Variants in NHSL1 observed in about 807,000 individuals in gnomAD.
NHSL1 encodes the protein NHS like 1.
In NHSL1, 48 loss-of-function variants were observed where a neutral mutation model predicts 95.0. That is an observed-to-expected ratio of 0.51 (90% CI 0.40 to 0.64). The LOEUF (loss-of-function observed/expected upper bound fraction) is 0.64. Among genes scored for constraint, NHSL1 ranks in the 30% least tolerant of loss-of-function variants. The pLI is 0.00. For missense variants in NHSL1, 1,971 were observed against 2,077.7 expected (o/e 0.95, Z 1.00); for synonymous variants, 783 against 833.9 (o/e 0.94, Z 1.05).
intron 1 of NHSL1, among the ~76,000 whole-genome samples, chr6:138,497,015 T>C (rs1780392652): frequency 6.6e-6 from 1 of 152,228 alleles, no homozygotes; most frequent in African/African-American, 2.4e-5. Context: ...ATTTTTAAAA[T>C]TACAATGCAA....
intron 1 of NHSL1, among the ~76,000 whole-genome samples, chr6:138,657,756 A>G (rs1322590022): frequency 7.0e-6 from 1 of 143,194 alleles, no homozygotes; most frequent in Non-Finnish European, 1.5e-5. Context: ...CAGAGCTTGC[A>G]GTGAGCCGAG....
At chr6:138,613,422 A>G (rs192339154) in intron 1 of NHSL1, among the ~76,000 whole-genome samples, 122 of 152,326 alleles carry the variant, frequency 8.0e-4, no homozygotes, top group African/African-American at 2.7e-3. Flanking sequence ...GTGTGAGCCA[A>G]GTTTTCCCCT....
At position 138,433,302 on chromosome 6, in the gene NHSL1, C is replaced by T; in HGVS notation, c.1043G>A (p.Gly348Glu). 6.4e-7 allele frequency: 1 copy of T among 1,551,686 alleles called. No individual in the cohort carries two copies. Among genetic ancestry groups the T allele is most frequent in the Non-Finnish European group, 8.7e-7 (1 of 1,146,950 alleles). Residue 348 changes from glycine to glutamate, a missense_variant, in exon 6 of 8, where the codon GGA becomes GAA. This residue lies in a region of NHSL1 where 1,602 missense variants were observed against 1,654.5 expected (regional missense o/e 0.97). Transcript: ENST00000343505. Reference sequence around the variant, plus strand: ...GTAGAGGAAAGTGCCATTCATGTCTCCTGCAGGGCCGAGGGCACCCAGCCT... The same window carrying T: ...GTAGAGGAAAGTGCCATTCATGTCTTCTGCAGGGCCGAGGGCACCCAGCCT... Reference protein sequence around the residue: ...EPRLGALGPAGDMNGTFLYQR... With the variant: ...EPRLGALGPAEDMNGTFLYQR...
chr6:138,600,547 C>T (rs547556864), intron 1 of NHSL1, among the ~76,000 whole-genome samples: 12 of 152,136 alleles, frequency 7.9e-5, no homozygotes, highest in East Asian at 3.8e-4. Flanking sequence ...TACTTTGTAA[C>T]CAAAAGAGAA....
chr6:138,661,344 A>T (rs1198213370), intron 1 of NHSL1, among the ~76,000 whole-genome samples: 2 of 152,118 alleles, frequency 1.3e-5, no homozygotes, highest in Admixed American at 1.3e-4. Context: ...ACTTTTAAAA[A>T]ATTAGCCAGG....
Position 138,685,483 on chromosome 6 carries a change from A to T in NHSL1, c.96+6993T>A, listed in dbSNP as rs147634732. ...CAAATTAGAAACAAGTACCTGCCTG[A>T]TCTGCTTGGCAAGTGACTAATCCCT... On this transcript the variant is annotated intron_variant, in intron 1 of 3. Transcript: ENST00000491526. Among the ~76,000 whole-genome samples the T allele has an allele frequency of 2.8e-3, 432 of 152,170 alleles. 1 individual carries two copies. The highest frequency in any genetic ancestry group is 6.8e-3 in the Middle Eastern group (2 of 294).
chr6:138,448,312 C>T (rs1040989366), intron 3 of NHSL1, among the ~76,000 whole-genome samples: 5 of 152,118 alleles, frequency 3.3e-5, no homozygotes, highest in African/African-American at 4.8e-5. Flanking sequence ...AAAGGGTAAT[C>T]GACTTTCGTG....
At chr6:138,434,587 A>G (rs914970356) in intron 5 of NHSL1, among the ~76,000 whole-genome samples, 1 of 149,988 alleles carries the variant, frequency 6.7e-6, no homozygotes, top group African/African-American at 2.5e-5. Flanking sequence ...GTGTACTGAG[A>G]AAAAAAAAAG....
At chr6:138,674,566 A>G (rs1037551370) in intron 1 of NHSL1, among the ~76,000 whole-genome samples, 9 of 152,146 alleles carry the variant, frequency 5.9e-5, no homozygotes, top group Admixed American at 4.6e-4. Flanking sequence ...GAGAACATAC[A>G]GCGTTTGGTT....
chr6:138,446,792 G>T, intron 4 of NHSL1: 1 of 556,638 alleles, frequency 1.8e-6, no homozygotes, highest in Non-Finnish European at 3.2e-6. Context: ...CCAGTGTTTG[G>T]CGACATAGTC....
At chr6:138,667,979 T>C (rs1311237257) in intron 1 of NHSL1, among the ~76,000 whole-genome samples, 1 of 152,210 alleles carries the variant, frequency 6.6e-6, no homozygotes. Context: ...TTTAACTTCC[T>C]TTGAAATCAA....
At chr6:138,447,639 G>A (rs936347327) in intron 3 of NHSL1, among the ~76,000 whole-genome samples, 1 of 152,142 alleles carries the variant, frequency 6.6e-6, no homozygotes, top group Non-Finnish European at 1.5e-5. Flanking sequence ...CAGGCGTGGT[G>A]GTGGGCACCT....
chr6:138,605,503 A>T (rs1177168882), intron 1 of NHSL1, among the ~76,000 whole-genome samples: 1 of 152,244 alleles, frequency 6.6e-6, no homozygotes, highest in African/African-American at 2.4e-5. Flanking sequence ...GTGGCAGTCA[A>T]AAATGGAACA....
At chr6:138,509,032 C>T (rs1202262057) in intron 1 of NHSL1, among the ~76,000 whole-genome samples, 2 of 152,164 alleles carry the variant, frequency 1.3e-5, no homozygotes, top group Non-Finnish European at 2.9e-5. Flanking sequence ...AGTAGAGCTA[C>T]ATATTGATGA....
intron 1 of NHSL1, among the ~76,000 whole-genome samples, chr6:138,518,036 G>A (rs989521881): frequency 6.6e-6 from 1 of 152,134 alleles, no homozygotes; most frequent in Non-Finnish European, 1.5e-5. Flanking sequence ...TGGTGGGGAG[G>A]GGCAGTAGGG....
At position 138,584,480 on chromosome 6, in the gene NHSL1, A is replaced by G. The variant is rs190562393; in HGVS notation, c.97-88109T>C. Reference sequence around the variant, plus strand: ...ACAGTCATCAAAATCCATAAGTAGAAGGGCTATTTAGTGAAGGGGAATCCA... The same window carrying G: ...ACAGTCATCAAAATCCATAAGTAGAGGGGCTATTTAGTGAAGGGGAATCCA... On this transcript the variant is annotated intron_variant, in intron 1 of 3. Coordinates refer to the NHSL1 transcript ENST00000491526. Among the ~76,000 whole-genome samples the G allele has an allele frequency of 3.1e-3, 471 of 152,332 alleles. 3 individuals are homozygous for G. Among genetic ancestry groups the G allele is most frequent in the African/African-American group, 0.011 (446 of 41,586 alleles).
chr6:138,548,932 T>G (rs1048627259), upstream of NHSL1, among the ~76,000 whole-genome samples: 5 of 150,622 alleles, frequency 3.3e-5, no homozygotes, highest in African/African-American at 1.2e-4. Flanking sequence ...TATAATTTAA[T>G]GTAGTGGGTT....
chr6:138,495,555 C>A (rs1199592364), intron 2 of NHSL1, among the ~76,000 whole-genome samples: 2 of 152,160 alleles, frequency 1.3e-5, no homozygotes, highest in Non-Finnish European at 2.9e-5. Context: ...GGCAAAACTG[C>A]CCATGTCAGC....
chr6:138,534,529 C>T (rs1782260418), intron 1 of NHSL1, among the ~76,000 whole-genome samples: 1 of 152,188 alleles, frequency 6.6e-6, no homozygotes, highest in Non-Finnish European at 1.5e-5. Context: ...ACATCAACCT[C>T]AGCACAACAG....
Sources: allele counts gnomAD v4.1 joint callset (sites outside exome capture counted in the v4.1 genomes callset), GRCh38; gene constraint gnomAD v4.1.1; regional missense constraint gnomAD v4.1.1; transcripts MANE v1.5; gene names NCBI Gene and HGNC (gene_info 2026-07-23, HGNC 2026-07-21).